INPP5F: variants seen among roughly 807,000 people sequenced by gnomAD.
INPP5F encodes the protein inositol polyphosphate-5-phosphatase F.
INPP5F carries 97 observed loss-of-function variants against 137.2 expected under a neutral mutation model. The observed-to-expected ratio is 0.71, with a 90% CI of 0.60 to 0.84. The LOEUF (loss-of-function observed/expected upper bound fraction) is 0.84, where lower values mean the gene tolerates loss of function less well. Among genes scored for constraint, INPP5F ranks in the 40% least tolerant of loss-of-function variants. INPP5F has a pLI of 0.00. For missense variants in INPP5F, 1,271 were observed against 1,371.9 expected (o/e 0.93, Z 1.16); for synonymous variants, 504 against 476.9 (o/e 1.06, Z -0.74).
chr10:119,730,841 G>A (rs188724332), intron 1 of INPP5F, among the ~76,000 whole-genome samples: 3 of 151,624 alleles, frequency 2.0e-5, no homozygotes, highest in African/African-American at 7.3e-5. Flanking sequence ...AGGCTGGAGT[G>A]CAGTGGCGTG....
chr10:119,731,383 G>T (rs1050871394), intron 1 of INPP5F, among the ~76,000 whole-genome samples: 5 of 151,882 alleles, frequency 3.3e-5, no homozygotes, highest in African/African-American at 1.2e-4. Context: ...TCTGTTTGTA[G>T]CTAGGCATGG....
chr10:119,735,366 CTTTATGAATCTCA>C (rs1210503065), intron 1 of INPP5F, among the ~76,000 whole-genome samples: 1 of 152,102 alleles, frequency 6.6e-6, no homozygotes, highest in Admixed American at 6.6e-5. Flanking sequence ...AGCCAATTTT[CTTTATGAATCTCA>C]TTCTTTGAAA....
chr10:119,728,382 A>G (rs1239668631), intron 1 of INPP5F, among the ~76,000 whole-genome samples: 1 of 152,222 alleles, frequency 6.6e-6, no homozygotes, highest in East Asian at 1.9e-4. Context: ...ATGGCATTTT[A>G]ATTGAATAAG....
At chr10:119,799,706 C>G (rs1850516543) in intron 9 of INPP5F, among the ~76,000 whole-genome samples, 2 of 151,962 alleles carry the variant, frequency 1.3e-5, no homozygotes. Context: ...CTGCTTAGCC[C>G]AGTAATTTTA....
At chr10:119,728,220 G>T (rs934024819) in intron 1 of INPP5F, among the ~76,000 whole-genome samples, 3 of 152,196 alleles carry the variant, frequency 2.0e-5, no homozygotes, top group African/African-American at 7.2e-5. Flanking sequence ...AATGTCTGGA[G>T]GAAGGAAGAG....
chr10:119,783,789 A>G (rs549118524), intron 3 of INPP5F, among the ~76,000 whole-genome samples: 61 of 152,348 alleles, frequency 4.0e-4, no homozygotes, highest in Middle Eastern at 3.4e-3. Flanking sequence ...CATTGACATA[A>G]TTATTTTTAC....
chr10:119,765,375 ATTG>A lies in INPP5F; in HGVS notation c.178+14222_178+14224del, dbSNP rs1372020532. 4.6e-5 allele frequency among the ~76,000 whole-genome samples: 7 copies of A among 151,490 alleles called. No homozygotes were observed. In the East Asian group the frequency reaches 1.4e-3, roughly 30 times the overall value. ...GGGGTGTTAAAAGTTGTATGTGGATATTGTTTTTGTTTTTGAGACAGGGTCTTG... is the reference window on the plus strand; with the variant it reads ...GGGGTGTTAAAAGTTGTATGTGGATATTTTTGTTTTTGAGACAGGGTCTTG... On this transcript the variant is annotated intron_variant, in intron 2 of 19. Transcript: ENST00000650623.
intron 9 of INPP5F, chr10:119,799,439 C>T: frequency 4.2e-6 from 1 of 236,152 alleles, no homozygotes; most frequent in Non-Finnish European, 8.7e-6. Context: ...AGAGAAAATA[C>T]CATGTTCCTG....
chr10:119,741,873 C>G (rs899717511), intron 1 of INPP5F, among the ~76,000 whole-genome samples: 1 of 151,120 alleles, frequency 6.6e-6, no homozygotes, highest in Non-Finnish European at 1.5e-5. Context: ...CACTCTGTTG[C>G]CGATTAGTCA....
intron 6 of INPP5F, among the ~76,000 whole-genome samples, chr10:119,795,444 G>A (rs1487101298): frequency 2.0e-5 from 3 of 151,348 alleles, no homozygotes; most frequent in African/African-American, 7.3e-5. Flanking sequence ...CAGATGGGGC[G>A]GCAGGGCAGA....
rs1038610436 is a variant in INPP5F, at chr10:119,748,003, G to C, written c.98-3073G>C. 6.6e-6 allele frequency among the ~76,000 whole-genome samples: 1 copy of C among 152,168 alleles called. No homozygotes were observed. Among genetic ancestry groups the C allele is most frequent in the African/African-American group, 2.4e-5 (1 of 41,436 alleles). The stretch of plus-strand genomic sequence containing the variant: ...TGGCGATTTTGCCTGAGTTTTCCTC[G>C]GGTCCACTGGGCTTTTTCCACTGTC... On this transcript the variant is annotated intron_variant, in intron 1 of 19. Coordinates refer to ENST00000650623, the MANE Select transcript of INPP5F (RefSeq NM_014937.4). The surrounding 1 kb of genome is among the most constrained non-coding windows in gnomAD (Gnocchi z 4.7).
chr10:119,793,532 G>A (rs1850221501), intron 6 of INPP5F: 1 of 151,304 alleles, frequency 6.6e-6, no homozygotes, highest in Non-Finnish European at 1.5e-5. Flanking sequence ...GGAGATAAGA[G>A]AGAAAGGACA....
chr10:119,815,479 C>T (rs1851233889), intron 15 of INPP5F: 1 of 157,408 alleles, frequency 6.4e-6, no homozygotes, highest in East Asian at 1.8e-4. Flanking sequence ...CTGAAAGATT[C>T]TGAAGATCTT....
At chr10:119,796,068 G>A (rs1850369060) in intron 6 of INPP5F, among the ~76,000 whole-genome samples, 1 of 148,866 alleles carries the variant, frequency 6.7e-6, no homozygotes, top group Non-Finnish European at 1.5e-5. Context: ...GGAGACCGTG[G>A]GGAGAGGGAG....
chr10:119,812,058 A>G (rs1851058686), intron 15 of INPP5F, 103 bp downstream of exon 15: 1 of 871,998 alleles, frequency 1.1e-6, no homozygotes, highest in East Asian at 2.5e-5. Context: ...GCATGGATGC[A>G]TGGCGCGTGA....
rs760510999 is a variant in INPP5F at position 119,792,020 on chromosome 10, G to T, written c.596G>T (p.Arg199Leu). The T allele has an allele frequency of 8.7e-6, 14 of 1,614,038 alleles. No individual in the cohort carries two copies. The highest frequency in any genetic ancestry group is 1.2e-5 in the Non-Finnish European group (14 of 1,180,028). The change falls in exon 5 of 20, where the codon CGG becomes CTG. Residue 199 changes from arginine (R) to leucine (L), a missense_variant. By Grantham distance (102) the Arg-to-Leu change is moderately radical (BLOSUM62 -2). Coordinates refer to ENST00000650623, the MANE Select transcript of INPP5F (RefSeq NM_014937.4). ...CAGAGCACTGGGGAGAGGGACGGTC[G>T]GCCCCTCTGGCAGAAGGTACCACTC... is the stretch of plus-strand genomic sequence containing the variant. Reference protein sequence around the residue: ...QRQSTGERDGRPLWQKVDDRF... With the variant: ...QRQSTGERDGLPLWQKVDDRF...
chr10:119,765,987 A>T (rs773222126), intron 2 of INPP5F, among the ~76,000 whole-genome samples: 12 of 151,876 alleles, frequency 7.9e-5, no homozygotes, highest in Non-Finnish European at 1.3e-4. Context: ...TCATGTGATT[A>T]TGGAGGCTGC....
At chr10:119,797,410 C>G in intron 7 of INPP5F, 51 bp from the exon 8 acceptor site, 1 of 1,396,018 alleles carries the variant, frequency 7.2e-7, no homozygotes. Context: ...TCTAGCCAGA[C>G]TAAATAAATT....
intron 9 of INPP5F, among the ~76,000 whole-genome samples, chr10:119,801,445 C>A (rs2134234175): frequency 6.6e-6 from 1 of 152,258 alleles, no homozygotes; most frequent in African/African-American, 2.4e-5. Context: ...CAGGGAGGGC[C>A]ATAGGATTGG....
Sources: allele counts gnomAD v4.1 joint callset (sites outside exome capture counted in the v4.1 genomes callset), GRCh38; gene constraint gnomAD v4.1.1; non-coding constraint Gnocchi (gnomAD v3.1); transcripts MANE v1.5; gene names NCBI Gene and HGNC (gene_info 2026-07-23, HGNC 2026-07-21).